Variants in CDC16 observed in about 807,000 individuals in gnomAD.
CDC16 encodes cell division cycle protein 16 homolog.
A neutral mutation model predicts 87.0 loss-of-function variants in CDC16; 34 were observed. The ratio of observed to expected loss-of-function variants is 0.39; its 90% confidence interval spans 0.30 to 0.52. CDC16 has a LOEUF of 0.52. Ranked by LOEUF, CDC16 falls within the 20% of genes least tolerant of loss-of-function variation. CDC16 has a pLI of 0.74. For synonymous variants in CDC16, 263 were observed against 260.6 expected (o/e 1.01, Z -0.09); for missense variants, 653 against 751.9 (o/e 0.87, Z 1.54).
rs2081158906 is a variant in CDC16 at position 114,234,908 on chromosome 13, CCTGG to C, written c.-176_-173del. The C allele has an allele frequency of 2.5e-6, 1 of 395,480 alleles. No homozygotes were observed. The highest frequency in any genetic ancestry group is 4.4e-6 in the Non-Finnish European group (1 of 227,212). 24.5% of individuals were successfully genotyped at this position (395,480 alleles called of 1,614,324 possible). A position where few individuals can be genotyped will look rare whatever the true frequency, so the allele number is the denominator to read the frequency against. ...GGAAGAGCCTGGGCAGTGCACGGGG[CCTGG>C]GTGGGGGGTGCGGGTGTGGGTGGGG... On this transcript the variant is annotated 5_prime_UTR_variant, in exon 1 of 18. Transcript: ENST00000356221.
In CDC16 at chr13:114,251,679, A is replaced by G. The variant is rs528702110; in HGVS notation, c.1097+1005A>G. Among the ~76,000 whole-genome samples, 31 of 152,282 alleles carry G rather than the reference A, an allele frequency of 2.0e-4. 1 individual carries two copies. In the South Asian group the frequency reaches 3.3e-3, roughly 16 times the overall value. On this transcript the variant is annotated intron_variant, in intron 12 of 17. Coordinates refer to ENST00000356221, the MANE Select transcript of CDC16 (RefSeq NM_001078645.3). ...AGTAGGGCTGCCATAACAAAATACCACAGACTGGGTGACTTAAAGGACATT... is the reference window on the plus strand; with the variant it reads ...AGTAGGGCTGCCATAACAAAATACCGCAGACTGGGTGACTTAAAGGACATT...
At chr13:114,268,602 T>C (rs1457111857) in intron 17 of CDC16, among the ~76,000 whole-genome samples, 1 of 152,168 alleles carries the variant, frequency 6.6e-6, no homozygotes, top group African/African-American at 2.4e-5. Context: ...AAGTGAAGGC[T>C]CCCTGTCTTT....
chr13:114,247,889 A>G (rs1195516872), intron 11 of CDC16, among the ~76,000 whole-genome samples: 1 of 152,150 alleles, frequency 6.6e-6, no homozygotes. Flanking sequence ...AAAAATAATA[A>G]TAATAATTAA....
Position 114,259,414 on chromosome 13 carries a change from CCTGTAAATATACACATATACA to C in CDC16, c.1314+18_1314+38del. On this transcript the variant is annotated intron_variant, in intron 14 of 17. Transcript: ENST00000356221. Reference sequence around the variant, plus strand: ...TGGGAACGAGGTATTCTTTGTAGTACCTGTAAATATACACATATACACCCCTGAGTGTTTACTGTTAAATGA... The same window carrying C: ...TGGGAACGAGGTATTCTTTGTAGTACCCCCTGAGTGTTTACTGTTAAATGA... The C allele has an allele frequency of 6.8e-7, 1 of 1,470,714 alleles. No homozygotes were observed. Among genetic ancestry groups the C allele is most frequent in the Non-Finnish European group, 9.2e-7 (1 of 1,088,022 alleles). The allele number at this position is 1,470,714 out of a possible 1,614,324, so 91.1% of individuals were successfully genotyped here. A position where few individuals can be genotyped will look rare whatever the true frequency, so the allele number is the denominator to read the frequency against.
At position 114,265,158 on chromosome 13, in the gene CDC16, T is replaced by A. The variant is rs1021321093; in HGVS notation, c.1521T>A (p.Gly507=). 6.2e-6 allele frequency: 10 copies of A among 1,607,170 alleles called. No homozygotes were observed. Among genetic ancestry groups the A allele is most frequent in the Non-Finnish European group, 7.7e-6 (9 of 1,173,822 alleles). The stretch of plus-strand genomic sequence containing the variant: ...TGAATCTTTTATGGCAGGCCCTTGG[T>A]CTTAGGCGAGATGATACATTTTCTG... The part of the protein sequence containing the change: ...NAVDYFHTAL[G]LRRDDTFSVT... The change falls in exon 17 of 18, where the codon GGT becomes GGA. Residue 507 remains glycine, a synonymous_variant. Transcript: ENST00000356221.
chr13:114,256,316 G>A (rs1180905439), intron 12 of CDC16, among the ~76,000 whole-genome samples: 1 of 152,134 alleles, frequency 6.6e-6, no homozygotes, highest in African/African-American at 2.4e-5. Flanking sequence ...CTTCTACCAG[G>A]TGTAAATATT....
At chr13:114,259,786 A>T in intron 14 of CDC16, among the ~76,000 whole-genome samples, 1 of 152,238 alleles carries the variant, frequency 6.6e-6, no homozygotes, top group African/African-American at 2.4e-5. Context: ...AAAGTATAGC[A>T]GCAGGTCCCA....
Position 114,250,581 on chromosome 13 carries a change from C to T in CDC16, c.1004C>T (p.Pro335Leu). ...ACAACACTTGAGAAAACCTATGGACCTGCATGGATAGCCTATGGACATTCA... is the reference window on the plus strand; with the variant it reads ...ACAACACTTGAGAAAACCTATGGACTTGCATGGATAGCCTATGGACATTCA... ...KATTLEKTYGPAWIAYGHSFA... is the reference protein window; with the variant it reads ...KATTLEKTYGLAWIAYGHSFA... The change falls in exon 12 of 18, where the codon CCT becomes CTT. Residue 335 changes from proline to leucine, a missense_variant. By Grantham distance (98) the Pro-to-Leu change is moderately conservative (BLOSUM62 -3). Coordinates refer to ENST00000356221, the MANE Select transcript of CDC16 (RefSeq NM_001078645.3). The T allele has an allele frequency of 6.2e-7, 1 of 1,613,924 alleles. No individual in the cohort carries two copies. The highest frequency in any genetic ancestry group is 8.5e-7 in the Non-Finnish European group (1 of 1,179,908).
chr13:114,235,077 G>A lies in CDC16; in HGVS notation c.-8G>A, dbSNP rs1391594210. The stretch of plus-strand genomic sequence containing the variant: ...CGGAGTGTGGCGTGAGGCCGGGCCC[G>A]CGCCGCCATGAACCTAGAGCGGCTG... On this transcript the variant is annotated 5_prime_UTR_variant, in exon 1 of 18. Transcript: ENST00000356221. 6.4e-6 allele frequency: 8 copies of A among 1,246,080 alleles called. No individual in the cohort carries two copies. The highest frequency in any genetic ancestry group is 8.0e-6 in the Non-Finnish European group (8 of 996,032). 77.2% of individuals were successfully genotyped at this position (1,246,080 alleles called of 1,614,324 possible). A position where few individuals can be genotyped will look rare whatever the true frequency, so the allele number is the denominator to read the frequency against.
intron 17 of CDC16, among the ~76,000 whole-genome samples, chr13:114,270,889 C>T (rs2083581966): frequency 6.7e-6 from 1 of 150,160 alleles, no homozygotes; most frequent in Non-Finnish European, 1.5e-5. Context: ...AGGGATGTCT[C>T]CTTGACCTCG....
intron 5 of CDC16, among the ~76,000 whole-genome samples, chr13:114,239,946 T>C (rs1457003004): frequency 6.6e-6 from 1 of 152,182 alleles, no homozygotes; most frequent in East Asian, 1.9e-4. Context: ...AAATTGCACA[T>C]TCCTTGCTGG....
intron 17 of CDC16, among the ~76,000 whole-genome samples, chr13:114,271,408 G>A (rs1202782116): frequency 3.9e-5 from 6 of 152,040 alleles, no homozygotes; most frequent in Non-Finnish European, 7.4e-5. Flanking sequence ...TTAATATATG[G>A]GAAATGGATT....
intron 13 of CDC16, among the ~76,000 whole-genome samples, chr13:114,258,801 G>A (rs1023606687): frequency 6.6e-5 from 10 of 152,058 alleles, no homozygotes; most frequent in Non-Finnish European, 1.5e-4. Context: ...TGACTTTATA[G>A]AACATAAATA....
intron 16 of CDC16, among the ~76,000 whole-genome samples, chr13:114,264,731 A>G (rs2083086967): frequency 6.6e-6 from 1 of 152,002 alleles, no homozygotes; most frequent in Non-Finnish European, 1.5e-5. Context: ...CAGCCTCCAG[A>G]GTATCTAGGA....
intron 11 of CDC16, among the ~76,000 whole-genome samples, chr13:114,247,489 GGTTT>G (rs2081936625): frequency 6.6e-6 from 1 of 151,706 alleles, no homozygotes; most frequent in African/African-American, 2.4e-5. Flanking sequence ...TTCTTCAAGT[GGTTT>G]GTTCTTTATA....
At chr13:114,266,091 A>G (rs567094213) in intron 17 of CDC16, among the ~76,000 whole-genome samples, 23 of 152,354 alleles carry the variant, frequency 1.5e-4, no homozygotes, top group Non-Finnish European at 3.4e-4. Context: ...TGCTGGGATA[A>G]CAGGCATGAG....
intron 17 of CDC16, among the ~76,000 whole-genome samples, chr13:114,268,025 C>G (rs1358897050): frequency 6.6e-6 from 1 of 152,176 alleles, no homozygotes; most frequent in East Asian, 1.9e-4. Context: ...GGTGGTCAGG[C>G]TTCCACACGG....
rs1594535292 is a variant in CDC16 at position 114,235,000 on chromosome 13, G to A, written c.-85G>A. 4.4e-6 allele frequency: 5 copies of A among 1,126,346 alleles called. No homozygotes were observed. In the East Asian group the frequency reaches 1.3e-4, roughly 29 times the overall value. The allele number at this position is 1,126,346 out of a possible 1,614,324, so 69.8% of individuals were successfully genotyped here. ...GGCGGCGGCGGCGGCTGCAGGCACG[G>A]GCACGGGCACGGGGCGGGGTGCTTA... On this transcript the variant is annotated 5_prime_UTR_variant, in exon 1 of 18. Transcript: ENST00000356221.
At chr13:114,238,116 T>G (rs138308747) in intron 3 of CDC16, among the ~76,000 whole-genome samples, 3,284 of 139,864 alleles carry the variant, frequency 0.023, 3 homozygotes, top group African/African-American at 0.088. Context: ...GCTGCTGCGA[T>G]CTCCTTGGAC....
Sources: gnomAD v4.1 joint callset for allele counts (sites outside exome capture counted in the v4.1 genomes callset) on GRCh38, gnomAD v4.1.1 for gene constraint, MANE v1.5 for transcripts, NCBI Gene and HGNC (gene_info 2026-07-23, HGNC 2026-07-21) for gene names.